The following C3 variants were observed in gnomAD, a reference collection of about 807,000 sequenced individuals.
C3 encodes the protein complement C3.
A neutral mutation model predicts 207.9 loss-of-function variants in C3; 97 were observed. The ratio of observed to expected loss-of-function variants is 0.47; its 90% CI spans 0.40 to 0.55. C3 has a LOEUF of 0.55. Ranked by LOEUF, C3 falls within the 20% of genes least tolerant of loss-of-function variation. C3 has a pLI of 0.00. For synonymous variants in C3, 848 were observed against 857.6 expected (o/e 0.99, Z 0.20); for missense variants, 1,684 against 2,171.7 (o/e 0.78, Z 4.46).
chr19:6,719,902 C>G lies in C3; in HGVS notation c.75-499G>C, dbSNP rs1287907525. Among the ~76,000 whole-genome samples, 1 of 152,122 alleles carries G rather than the reference C, an allele frequency of 6.6e-6. No homozygotes were observed. The highest frequency in any genetic ancestry group is 2.4e-5 in the African/African-American group (1 of 41,408). ...AATCTTAGAGCACCCCAAACCCAGC[C>G]TAAACCTCCAACACCCCAGTCCTAA... is the stretch of plus-strand genomic sequence containing the variant. On this transcript the variant is annotated intron_variant, in intron 1 of 40. Coordinates refer to ENST00000245907, the MANE Select transcript of C3 (RefSeq NM_000064.4). The surrounding 1 kb of genome is among the most constrained non-coding windows in gnomAD (Gnocchi z 5.4).
At position 6,695,687 on chromosome 19, in the gene C3, C is replaced by G. The variant is rs563508773; in HGVS notation, c.2950+692G>C. On this transcript the variant is annotated intron_variant, in intron 23 of 40. Transcript: ENST00000245907. ...TAGAGACAGGGTTTCACCATGTTGGCCAGGCTGGTCTCAAACTCCTACCTC... is the reference window on the plus strand; with the variant it reads ...TAGAGACAGGGTTTCACCATGTTGGGCAGGCTGGTCTCAAACTCCTACCTC... 1.4e-4 allele frequency among the ~76,000 whole-genome samples: 21 copies of G among 151,724 alleles called. No homozygotes were observed. The South Asian group carries it at 2.7e-3, about 20-fold the overall frequency.
chr19:6,710,090 ACG>A, intron 13 of C3, among the ~76,000 whole-genome samples: 1 of 134,788 alleles, frequency 7.4e-6, no homozygotes, highest in Admixed American at 7.7e-5. Flanking sequence ...AGGGAGAGAG[ACG>A]GAGAGACAGA....
Position 6,678,039 on chromosome 19 carries a change from G to C in C3, c.4851-16C>G. On this transcript the variant is annotated splice_polypyrimidine_tract_variant and intron_variant, in intron 40 of 40. Transcript: ENST00000245907. ...GTAGCTGAGGCTGGAGGGAAGAATG[G>C]CAGGTCAGGAAGGGGCGTGGTGTGG... 1 of 1,614,172 alleles carries C rather than the reference G, an allele frequency of 6.2e-7. No individual in the cohort carries two copies. The highest frequency in any genetic ancestry group is 8.5e-7 in the Non-Finnish European group (1 of 1,180,018).
intron 17 of C3, among the ~76,000 whole-genome samples, chr19:6,703,267 A>G: frequency 6.6e-6 from 1 of 152,166 alleles, no homozygotes; most frequent in Admixed American, 6.5e-5. Context: ...GACATATACA[A>G]TGCAGACTGG....
chr19:6,707,854 C>G lies in C3; in HGVS notation c.1921G>C (p.Asp641His). 3 of 1,614,000 alleles carry G rather than the reference C, an allele frequency of 1.9e-6. No homozygotes were observed. The highest frequency in any genetic ancestry group is 2.5e-6 in the Non-Finnish European group (3 of 1,180,010). The change falls in exon 15 of 41, where the codon GAC becomes CAC. Residue 641 changes from aspartate to histidine, a missense_variant. This residue lies in a region of C3 where 1,280 missense variants were observed against 1,739.1 expected (regional missense o/e 0.74). Transcript: ENST00000245907. ...CTGCTCGTGAAGGTCAGCCCTGCGT[C>G]GGAGAAGACACCGGCGTAATCCTTC... is the stretch of plus-strand genomic sequence containing the variant. The part of the protein sequence containing the change: ...SGKDYAGVFS[D>H]AGLTFTSSSG...
At chr19:6,685,213 G>T (rs1917973033) in intron 29 of C3, 67 bp from the exon 30 acceptor site, 2 of 1,450,462 alleles carry the variant, frequency 1.4e-6, no homozygotes, top group Non-Finnish European at 1.9e-6. Flanking sequence ...TCCAGTGGGG[G>T]ATAAAGAGGT....
At position 6,710,638 on chromosome 19, in the gene C3, C is replaced by T; in HGVS notation, c.1686+1G>A. 2 of 1,612,018 alleles carry T rather than the reference C, an allele frequency of 1.2e-6. No homozygotes were observed. Among genetic ancestry groups the T allele is most frequent in the Non-Finnish European group, 1.7e-6 (2 of 1,179,114 alleles). ...GGCGAGCGAGCCCAGGGCACACTTA[C>T]CGAGCCCACGCAGGAGTCCTTGACG... On this transcript the variant is annotated splice_donor_variant, in intron 13 of 40. Transcript: ENST00000245907. LOFTEE classifies it high-confidence loss of function.
At chr19:6,710,288 AAG>A (rs1226540307) in intron 13 of C3, among the ~76,000 whole-genome samples, 17 of 92,446 alleles carry the variant, frequency 1.8e-4, no homozygotes, top group Non-Finnish European at 2.7e-4. Context: ...GAGGGAGAGA[AAG>A]AGAGGGGAGA....
chr19:6,709,061 A>G (rs1967849490), intron 14 of C3, among the ~76,000 whole-genome samples: 1 of 151,834 alleles, frequency 6.6e-6, no homozygotes, highest in Non-Finnish European at 1.5e-5. Flanking sequence ...TCCCAAGCCA[A>G]CCCCATCTCC....
At chr19:6,693,228 T>G in intron 25 of C3, 145 bp from the exon 26 acceptor site, 1 of 1,128,084 alleles carries the variant, frequency 8.9e-7, no homozygotes, top group South Asian at 1.3e-5. Flanking sequence ...AGCTGTTGTA[T>G]GCGGTCCGTG....
In C3 at chr19:6,685,049, C is replaced by A. The variant is rs775015499; in HGVS notation, c.3908G>T (p.Arg1303Leu). The change falls in exon 30 of 41, where the codon CGC becomes CTC. Residue 1303 changes from arginine (R) to leucine (L), a missense_variant. Arg to Leu is a moderately radical substitution (Grantham distance 102). Coordinates refer to ENST00000245907, the MANE Select transcript of C3 (RefSeq NM_000064.4). Reference protein sequence around the residue: ...NLDVSLQLPSRSSKITHRIHW... With the variant: ...NLDVSLQLPSLSSKITHRIHW... The stretch of plus-strand genomic sequence containing the variant: ...GATACGGTGGGTGATCTTGGAGCTG[C>A]GGCTGGGCAGTTGGAGGGACACATC... 6.2e-7 allele frequency: 1 copy of A among 1,613,786 alleles called. No individual in the cohort carries two copies. The highest frequency in any genetic ancestry group is 8.5e-7 in the Non-Finnish European group (1 of 1,179,946).
intron 11 of C3, among the ~76,000 whole-genome samples, chr19:6,711,830 T>A (rs917602739): frequency 6.6e-6 from 1 of 152,152 alleles, no homozygotes; most frequent in Admixed American, 6.5e-5. Flanking sequence ...AATGGGCCTG[T>A]CCCAAACACT....
Position 6,719,103 on chromosome 19 carries a change from A to AG in C3, c.267+107dup. On this transcript the variant is annotated intron_variant, in intron 2 of 40. Transcript: ENST00000245907. The surrounding 1 kb of genome is among the most constrained non-coding windows in gnomAD (Gnocchi z 5.4). ...CTCCGAAGGGGTGGAGTCTCAGGGA[A>AG]GGGCAGGGCTTAGAAAGGGAGAAGA... 1 of 954,276 alleles carries AG rather than the reference A, an allele frequency of 1.0e-6. No individual in the cohort carries two copies. Among genetic ancestry groups the AG allele is most frequent in the South Asian group, 1.3e-5 (1 of 76,890 alleles). The allele number at this position is 954,276 out of a possible 1,614,324, so 59.1% of individuals were successfully genotyped here. A position where few individuals can be genotyped will look rare whatever the true frequency, so the allele number is the denominator to read the frequency against.
At position 6,681,340 on chromosome 19, in the gene C3, T is replaced by TAAAAAA. The variant is rs71177112; in HGVS notation, c.4350+595_4350+600dup. ...AAGCCTGGGAGGTCAAGGCTGCAGT[T>TAAAAAA]AAAAAAAAAAAAAAAAAAAAGCTGG... is the stretch of plus-strand genomic sequence containing the variant. On this transcript the variant is annotated intron_variant, in intron 35 of 40. Transcript: ENST00000245907. Among the ~76,000 whole-genome samples the TAAAAAA allele has an allele frequency of 2.8e-4, 27 of 95,106 alleles. 1 individual carries two copies. The highest frequency in any genetic ancestry group is 3.1e-4 in the East Asian group (1 of 3,226). 62.4% of individuals were successfully genotyped at this position (95,106 alleles called of 152,430 possible). A position where few individuals can be genotyped will look rare whatever the true frequency, so the allele number is the denominator to read the frequency against.
intron 19 of C3, among the ~76,000 whole-genome samples, chr19:6,701,495 C>T (rs1967671285): frequency 1.3e-5 from 2 of 152,108 alleles, no homozygotes; most frequent in Non-Finnish European, 2.9e-5. Flanking sequence ...GCAGCCATGT[C>T]TGTGTCGTCT....
intron 27 of C3, among the ~76,000 whole-genome samples, chr19:6,689,336 C>T (rs539773012): frequency 0.011 from 527 of 46,672 alleles, 24 homozygotes; most frequent in African/African-American, 0.058. Flanking sequence ...TACCTCCCTC[C>T]CTCCCTCCCT....
intron 17 of C3, among the ~76,000 whole-genome samples, chr19:6,706,198 G>C (rs1440830035): frequency 2.6e-5 from 4 of 152,206 alleles, no homozygotes; most frequent in Admixed American, 2.6e-4. Flanking sequence ...TTGGTAATTA[G>C]TGTGTGACCA....
At chr19:6,699,231 T>C (rs925734889) in intron 19 of C3, among the ~76,000 whole-genome samples, 4 of 71,620 alleles carry the variant, frequency 5.6e-5, no homozygotes, top group African/African-American at 2.3e-4. Flanking sequence ...TCTTTCTCTT[T>C]TCTTTTCTTT....
intron 4 of C3, chr19:6,717,666 T>G (rs1968065508): frequency 6.1e-6 from 2 of 330,210 alleles, no homozygotes; most frequent in Non-Finnish European, 1.2e-5. Context: ...TGGTTATGTA[T>G]GTTGTGTTGT....
Sources: allele counts gnomAD v4.1 joint callset (sites outside exome capture counted in the v4.1 genomes callset), GRCh38; gene constraint gnomAD v4.1.1; regional missense constraint gnomAD v4.1.1; non-coding constraint Gnocchi (gnomAD v3.1); transcripts MANE v1.5; gene names NCBI Gene and HGNC (gene_info 2026-07-23, HGNC 2026-07-21).